The following CCDC7 variants were observed in gnomAD, a reference collection of about 807,000 sequenced individuals.
CCDC7 encodes coiled-coil domain containing 7.
Under a neutral mutation model 196.9 loss-of-function variants are expected in CCDC7, and 183 were observed. The observed-to-expected ratio is 0.93, with a 90% CI of 0.82 to 1.05. The LOEUF (loss-of-function observed/expected upper bound fraction) is 1.05. Among genes scored for constraint, CCDC7 ranks in the 50% least tolerant of loss-of-function variants. The pLI is 0.00. For missense variants in CCDC7, 1,540 were observed against 1,482.2 expected, an observed-to-expected ratio of 1.04 and a Z score of -0.64; for synonymous variants, 525 against 484.6, an observed-to-expected ratio of 1.08 and a Z score of -1.10.
intron 9 of CCDC7, among the ~76,000 whole-genome samples, chr10:32,516,995 T>A (rs1225647892): frequency 6.6e-6 from 1 of 152,216 alleles, no homozygotes; most frequent in Non-Finnish European, 1.5e-5. Flanking sequence ...TAGATAAACA[T>A]AGATTATTTG....
At chr10:32,726,697 G>T (rs143910120) in intron 25 of CCDC7, 37 bp from the exon 27 acceptor site, 3 of 1,179,862 alleles carry the variant, frequency 2.5e-6, no homozygotes, top group African/African-American at 3.1e-5. Flanking sequence ...TTCATTTAGC[G>T]GACTAAATGT....
chr10:32,707,731 A>G (rs559387451), intron 24 of CCDC7, among the ~76,000 whole-genome samples: 1 of 152,220 alleles, frequency 6.6e-6, no homozygotes, highest in East Asian at 1.9e-4. Flanking sequence ...ATTGCTTCAA[A>G]GAGAATAAAA....
downstream of CCDC7, among the ~76,000 whole-genome samples, chr10:32,878,626 G>A (rs532253798): frequency 1.3e-5 from 2 of 152,148 alleles, no homozygotes; most frequent in Admixed American, 6.6e-5. Flanking sequence ...TCAAAGGTAA[G>A]GCTACTCCCA....
intron 5 of CCDC7, among the ~76,000 whole-genome samples, chr10:32,463,311 C>G (rs2036124189): frequency 6.6e-6 from 1 of 151,920 alleles, no homozygotes. Flanking sequence ...ATAATGGAAA[C>G]TAAGTTATTA....
chr10:32,561,899 A>G (rs933956108), intron 13 of CCDC7, among the ~76,000 whole-genome samples: 8 of 152,196 alleles, frequency 5.3e-5, no homozygotes, highest in African/African-American at 1.9e-4. Context: ...TTGATAGACC[A>G]CTAGCAATAT....
intron 28 of CCDC7, among the ~76,000 whole-genome samples, chr10:32,740,201 G>T (rs576890520): frequency 1.1e-4 from 16 of 152,004 alleles, no homozygotes; most frequent in Non-Finnish European, 2.4e-4. Context: ...TTTCCCCCAG[G>T]TCTATATTGT....
chr10:32,782,854 G>A (rs1202566243), intron 29 of CCDC7, among the ~76,000 whole-genome samples: 1 of 152,138 alleles, frequency 6.6e-6, no homozygotes, highest in East Asian at 1.9e-4. Context: ...CTTGCTATGT[G>A]GTCAAATAAC....
intron 33 of CCDC7, among the ~76,000 whole-genome samples, chr10:32,841,297 A>G (rs1285799954): frequency 6.6e-6 from 1 of 152,132 alleles, no homozygotes; most frequent in East Asian, 1.9e-4. Context: ...TGAATTCAGC[A>G]AAGTTTCAGG....
Position 32,821,064 on chromosome 10 carries a change from C to T in CCDC7, c.3182-3454C>T, listed in dbSNP as rs895166629. On this transcript the variant is annotated intron_variant, in intron 31 of 41. Coordinates refer to ENST00000639629, the Ensembl canonical transcript of CCDC7. Reference sequence around the variant, plus strand: ...ATGGGAGAAAATTTTTACAATCTACCCATCTGACAAAGGGCTAATATCCAG... The same window carrying T: ...ATGGGAGAAAATTTTTACAATCTACTCATCTGACAAAGGGCTAATATCCAG... Among the ~76,000 whole-genome samples the T allele has an allele frequency of 3.9e-5, 6 of 152,160 alleles. No individual in the cohort carries two copies. The East Asian group carries it at 5.8e-4, about 15-fold the overall frequency.
intron 5 of CCDC7, among the ~76,000 whole-genome samples, chr10:32,465,841 A>G (rs549230251): frequency 6.6e-6 from 1 of 152,302 alleles, no homozygotes; most frequent in African/African-American, 2.4e-5. Context: ...TCCTAAACTC[A>G]TATCTCTTCT....
At chr10:32,461,638 G>GA (rs975165799) in intron 3 of CCDC7, among the ~76,000 whole-genome samples, 1 of 145,834 alleles carries the variant, frequency 6.9e-6, no homozygotes, top group African/African-American at 2.5e-5. Context: ...GCTGCTGTAT[G>GA]AAAAAAATAT....
exon 1 of CCDC7, chr10:32,451,753 A>G (rs371520812): frequency 6.2e-7 from 1 of 1,614,096 alleles, no homozygotes; most frequent in Non-Finnish European, 8.5e-7. Context: ...AGCTAAAGGA[A>G]AAACATAATG....
intron 41 of CCDC7, among the ~76,000 whole-genome samples, chr10:32,873,035 G>C (rs2094484822): frequency 6.6e-6 from 1 of 152,002 alleles, no homozygotes; most frequent in South Asian, 2.1e-4. Context: ...CTCTTCTCGA[G>C]GAGTATCTTT....
In CCDC7 at chr10:32,687,769, G is replaced by T. The variant is rs77964552; in HGVS notation, c.2234-1284G>T. On this transcript the variant is annotated intron_variant, in intron 22 of 41. Coordinates refer to ENST00000639629, the Ensembl canonical transcript of CCDC7. ...TTTGTTTTGAAAGCTGAGACTTCTGGGTAAACACAGACCATGTTCTCTGAT... is the reference window on the plus strand; with the variant it reads ...TTTGTTTTGAAAGCTGAGACTTCTGTGTAAACACAGACCATGTTCTCTGAT... 6.8e-4 allele frequency among the ~76,000 whole-genome samples: 103 copies of T among 152,174 alleles called. 2 individuals are homozygous for T. In the East Asian group the frequency reaches 0.02, roughly 29 times the overall value.
intron 41 of CCDC7, among the ~76,000 whole-genome samples, chr10:32,871,385 C>T (rs1012791247): frequency 1.3e-3 from 194 of 152,056 alleles, no homozygotes; most frequent in Middle Eastern, 3.4e-3. Context: ...AGTTTATTTG[C>T]GTAGAGGTGT....
intron 9 of CCDC7, among the ~76,000 whole-genome samples, chr10:32,510,551 T>G (rs1299670901): frequency 6.6e-6 from 1 of 152,170 alleles, no homozygotes; most frequent in African/African-American, 2.4e-5. Flanking sequence ...TGATGATATT[T>G]TCATGGGTAT....
chr10:32,719,777 A>T (rs577086194), intron 25 of CCDC7, among the ~76,000 whole-genome samples: 3 of 152,242 alleles, frequency 2.0e-5, no homozygotes, highest in Admixed American at 6.5e-5. Context: ...AAAGCTCATC[A>T]TCACTGGTCA....
chr10:32,546,705 A>T (rs190522219), intron 13 of CCDC7, among the ~76,000 whole-genome samples: 2 of 152,298 alleles, frequency 1.3e-5, no homozygotes, highest in East Asian at 3.9e-4. Flanking sequence ...AGCAGCTTAA[A>T]CAATTTATAT....
chr10:32,679,179 G>A (rs2075481974), intron 21 of CCDC7, among the ~76,000 whole-genome samples: 1 of 152,142 alleles, frequency 6.6e-6, no homozygotes, highest in African/African-American at 2.4e-5. Flanking sequence ...AGCATGGGTT[G>A]TGTGCTCAGA....
Sources: allele counts gnomAD v4.1 joint callset (sites outside exome capture counted in the v4.1 genomes callset), GRCh38; gene constraint gnomAD v4.1.1; transcripts MANE v1.5; gene names NCBI Gene and HGNC (gene_info 2026-07-23, HGNC 2026-07-21).